RAB2A: variants seen among roughly 807,000 people sequenced by gnomAD.
RAB2A encodes RAB2A, member RAS oncogene family, also known as ras-related protein Rab-2A.
In RAB2A, 7 loss-of-function variants were observed where a neutral mutation model predicts 32.5. The observed-to-expected ratio is 0.22, with a 90% CI of 0.12 to 0.40. The LOEUF (loss-of-function observed/expected upper bound fraction) is 0.40, where lower values mean the gene tolerates loss of function less well. Among genes scored for constraint, RAB2A ranks in the 10% least tolerant of loss-of-function variants. The probability of loss-of-function intolerance (pLI) is 1.00; values close to 1 mark genes in which losing one functional copy is unlikely to be tolerated. For synonymous variants in RAB2A, 79 were observed against 85.2 expected (o/e 0.93, Z 0.40); for missense variants, 108 against 260.7 (o/e 0.41, Z 4.03).
intron 6 of RAB2A, among the ~76,000 whole-genome samples, chr8:60,595,183 GAAAC>G (rs1804003374): frequency 6.6e-6 from 1 of 152,108 alleles, no homozygotes; most frequent in Admixed American, 6.6e-5. Context: ...AAAAACATAA[GAAAC>G]AAAAATATGG....
At chr8:60,581,733 C>T (rs1803753629) in intron 3 of RAB2A, among the ~76,000 whole-genome samples, 1 of 152,062 alleles carries the variant, frequency 6.6e-6, no homozygotes, top group Admixed American at 6.5e-5. Flanking sequence ...TGGCTGGGAA[C>T]AGTGGCCCAC....
chr8:60,593,559 A>G (rs1803974616), intron 6 of RAB2A, among the ~76,000 whole-genome samples: 1 of 152,190 alleles, frequency 6.6e-6, no homozygotes, highest in African/African-American at 2.4e-5. Flanking sequence ...CCAGGCAGTA[A>G]TGAAGTAGCA....
intron 1 of RAB2A, among the ~76,000 whole-genome samples, chr8:60,539,706 T>G (rs1807610492): frequency 6.6e-6 from 1 of 152,222 alleles, no homozygotes; most frequent in Non-Finnish European, 1.5e-5. Flanking sequence ...ACTGAGGAAC[T>G]GGAAGAAAGT....
intron 1 of RAB2A, among the ~76,000 whole-genome samples, chr8:60,534,015 TGGGCAG>T (rs1807520427): frequency 6.6e-6 from 1 of 152,076 alleles, no homozygotes; most frequent in Non-Finnish European, 1.5e-5. Context: ...GATACTATTG[TGGGCAG>T]TCCCTGTGCT....
At chr8:60,549,393 C>T (rs1254572698) in intron 1 of RAB2A, among the ~76,000 whole-genome samples, 1 of 152,156 alleles carries the variant, frequency 6.6e-6, no homozygotes, top group African/African-American at 2.4e-5. Flanking sequence ...ATCCCAGCAC[C>T]TCGGGAGGCC....
chr8:60,616,731 C>T (rs1269014707), intron 6 of RAB2A, among the ~76,000 whole-genome samples: 1 of 152,200 alleles, frequency 6.6e-6, no homozygotes, highest in Non-Finnish European at 1.5e-5. Context: ...ATGATTCGAT[C>T]AGCCACTTAG....
intron 1 of RAB2A, 38 bp from the exon 2 acceptor site, chr8:60,558,814 T>C (rs1807977061): frequency 1.3e-6 from 2 of 1,532,448 alleles, no homozygotes; most frequent in African/African-American, 1.4e-5. Flanking sequence ...TTAATTTCTG[T>C]GAATTTTGTC....
At chr8:60,616,722 T>C (rs868655423) in intron 6 of RAB2A, among the ~76,000 whole-genome samples, 2 of 152,256 alleles carry the variant, frequency 1.3e-5, no homozygotes, top group Admixed American at 1.3e-4. Context: ...CCCTCTGTGA[T>C]GATTCGATCA....
intron 6 of RAB2A, among the ~76,000 whole-genome samples, chr8:60,606,654 C>CTAAT (rs756833998): frequency 1.1e-4 from 17 of 152,222 alleles, no homozygotes; most frequent in African/African-American, 1.7e-4. Flanking sequence ...ATTAATAACA[C>CTAAT]TAATATACAA....
chr8:60,613,955 C>A (rs1005218797), intron 6 of RAB2A, among the ~76,000 whole-genome samples: 3 of 152,284 alleles, frequency 2.0e-5, no homozygotes, highest in East Asian at 1.9e-4. Flanking sequence ...ACAAGATACC[C>A]TGCTCTGTAG....
At chr8:60,526,825 C>T (rs928962048) in intron 1 of RAB2A, among the ~76,000 whole-genome samples, 2 of 151,950 alleles carry the variant, frequency 1.3e-5, no homozygotes, top group Non-Finnish European at 2.9e-5. Context: ...AAAAATTAGC[C>T]AGGCGTGGCG....
rs886342355 is a variant in RAB2A at position 60,620,920 on chromosome 8, A to G, written c.*151A>G. Reference sequence around the variant, plus strand: ...TCAAATTCTTGTATAACTTTGAATAAATGGTTAATGTTCACTTAAAAGACA... The same window carrying G: ...TCAAATTCTTGTATAACTTTGAATAGATGGTTAATGTTCACTTAAAAGACA... On this transcript the variant is annotated 3_prime_UTR_variant, in exon 8 of 8. Coordinates refer to ENST00000262646, the MANE Select transcript of RAB2A (RefSeq NM_002865.3). 1.2e-5 allele frequency: 7 copies of G among 606,650 alleles called. No individual in the cohort carries two copies. The highest frequency in any genetic ancestry group is 2.8e-6 in the Non-Finnish European group (1 of 361,546). 37.6% of individuals were successfully genotyped at this position (606,650 alleles called of 1,614,324 possible).
At chr8:60,542,060 A>G in intron 1 of RAB2A, among the ~76,000 whole-genome samples, 1 of 152,356 alleles carries the variant, frequency 6.6e-6, no homozygotes, top group East Asian at 1.9e-4. Context: ...AAAATCAGGA[A>G]AAAATTTTTA....
In RAB2A at chr8:60,620,805, A is replaced by T. The variant is rs1804514935; in HGVS notation, c.*36A>T. ...ACTGTCTAGCTGCCCAACGGGGCCT[A>T]CTCACTTATTCTTTCACCCCCTCTC... On this transcript the variant is annotated 3_prime_UTR_variant, in exon 8 of 8. Transcript: ENST00000262646. 5 of 1,565,722 alleles carry T rather than the reference A, an allele frequency of 3.2e-6. No homozygotes were observed. The highest frequency in any genetic ancestry group is 4.3e-6 in the Non-Finnish European group (5 of 1,152,078).
intron 1 of RAB2A, among the ~76,000 whole-genome samples, chr8:60,539,159 G>T (rs1807600683): frequency 6.6e-6 from 1 of 152,198 alleles, no homozygotes; most frequent in South Asian, 2.1e-4. Flanking sequence ...CCAGTCCACT[G>T]TGCAAGGTCG....
chr8:60,561,395 A>G (rs1487322397), intron 2 of RAB2A, among the ~76,000 whole-genome samples: 1 of 152,174 alleles, frequency 6.6e-6, no homozygotes, highest in African/African-American at 2.4e-5. Flanking sequence ...TTATTTTAAT[A>G]TTTAGGTGTG....
intron 1 of RAB2A, among the ~76,000 whole-genome samples, chr8:60,543,194 G>A (rs1329892595): frequency 1.3e-5 from 2 of 152,172 alleles, no homozygotes; most frequent in Non-Finnish European, 2.9e-5. Context: ...GACAGCTTAC[G>A]AGCTTGGTGG....
chr8:60,593,967 C>G (rs557561755), intron 6 of RAB2A, among the ~76,000 whole-genome samples: 38 of 151,310 alleles, frequency 2.5e-4, no homozygotes, highest in African/African-American at 7.8e-4. Context: ...TCTTTCAAAG[C>G]TCTTTGTACA....
At chr8:60,519,427 G>A (rs1807267038) in intron 1 of RAB2A, among the ~76,000 whole-genome samples, 1 of 152,070 alleles carries the variant, frequency 6.6e-6, no homozygotes, top group African/African-American at 2.4e-5. Context: ...GTGCTTTCCG[G>A]CACAATCTCT....
Sources: allele counts gnomAD v4.1 joint callset (sites outside exome capture counted in the v4.1 genomes callset), GRCh38; gene constraint gnomAD v4.1.1; transcripts MANE v1.5; gene names NCBI Gene and HGNC (gene_info 2026-07-23, HGNC 2026-07-21).